DNAH10: variants seen among roughly 807,000 people sequenced by gnomAD.
DNAH10 encodes dynein axonemal heavy chain 10.
Under a neutral mutation model 506.6 loss-of-function variants are expected in DNAH10, and 348 were observed. The observed-to-expected ratio is 0.69, with a 90% CI of 0.63 to 0.75. The LOEUF is 0.75. Among genes scored for constraint, DNAH10 ranks in the 30% least tolerant of loss-of-function variants. The probability of loss-of-function intolerance (pLI) is 0.00; values close to 1 mark genes in which losing one functional copy is unlikely to be tolerated. For synonymous variants in DNAH10, 2,059 were observed against 2,198.6 expected (o/e 0.94, Z 1.78); for missense variants, 5,179 against 5,787.1 (o/e 0.89, Z 3.41).
At chr12:123,788,427 C>A (rs2136208774) in intron 10 of DNAH10, among the ~76,000 whole-genome samples, 1 of 152,296 alleles carries the variant, frequency 6.6e-6, no homozygotes, top group East Asian at 1.9e-4. Context: ...ATTGAATTAG[C>A]CACAGCACTT....
chr12:123,818,455 CTGGAACTA>C (rs1053005355), intron 21 of DNAH10, among the ~76,000 whole-genome samples: 21 of 152,050 alleles, frequency 1.4e-4, no homozygotes, highest in Non-Finnish European at 2.6e-4. Context: ...TCCTGAGTAG[CTGGAACTA>C]CAGGCTCCTG....
At chr12:123,847,264 A>G (rs1238360650) in intron 32 of DNAH10, among the ~76,000 whole-genome samples, 2 of 128,010 alleles carry the variant, frequency 1.6e-5, no homozygotes, top group South Asian at 4.5e-4. Context: ...CTATCTATCT[A>G]TCCATCCATC....
Position 123,859,164 on chromosome 12 carries a change from T to G in DNAH10, c.6645T>G (p.Val2215=). 1 of 1,610,198 alleles carries G rather than the reference T, an allele frequency of 6.2e-7. No individual in the cohort carries two copies. The highest frequency in any genetic ancestry group is 8.5e-7 in the Non-Finnish European group (1 of 1,178,638). ...AVLPIQVDKV[V]QMFETMLTRH... is the part of the protein sequence containing the mutation. ...TTGTCCCGCAGGTGGATAAAGTGGT[T>G]CAAATGTTCGAGACCATGTTAACCC... is the stretch of plus-strand genomic sequence containing the variant. Residue 2215 remains valine, a synonymous_variant, in exon 38 of 79, where the codon GTT becomes GTG. Coordinates refer to ENST00000673944, the MANE Select transcript of DNAH10 (RefSeq NM_001372106.1).
rs181335981 is a variant in DNAH10, at chr12:123,809,324, A to G, written c.3144+371A>G. On this transcript the variant is annotated intron_variant, in intron 19 of 78. Coordinates refer to ENST00000673944, the MANE Select transcript of DNAH10 (RefSeq NM_001372106.1). The stretch of plus-strand genomic sequence containing the variant: ...GTGACGTTCCATCAATCCATTCTCC[A>G]CCACCGGTGGTCAGAATTACCTTAA... Among the ~76,000 whole-genome samples the G allele has an allele frequency of 8.6e-3, 1,302 of 151,952 alleles. 27 individuals are homozygous for G. The highest frequency in any genetic ancestry group is 0.03 in the African/African-American group (1,229 of 41,428).
intron 19 of DNAH10, among the ~76,000 whole-genome samples, chr12:123,811,621 C>T (rs1304682231): frequency 6.6e-6 from 1 of 152,160 alleles, no homozygotes; most frequent in Non-Finnish European, 1.5e-5. Context: ...CTGCCTCAGC[C>T]TCCCGAGTAG....
chr12:123,923,715 T>A (rs754436895), intron 65 of DNAH10, 48 bp from the exon 66 acceptor site: 24 of 1,428,352 alleles, frequency 1.7e-5, no homozygotes, highest in Non-Finnish European at 2.0e-5. Context: ...CTCAGTTTTT[T>A]AAAAATGAAT....
chr12:123,771,538 C>T lies in DNAH10; in HGVS notation c.299-63C>T, dbSNP rs917574891. 68 of 1,390,596 alleles carry T rather than the reference C, an allele frequency of 4.9e-5. No homozygotes were observed. The South Asian group carries it at 6.0e-4, about 12-fold the overall frequency. The allele number at this position is 1,390,596 out of a possible 1,614,324, so 86.1% of individuals were successfully genotyped here. ...TACTGGTGCACAAAATGCAGGGCTGCTCTTGATGGTAGGAAACCTAATTTT... is the reference window on the plus strand; with the variant it reads ...TACTGGTGCACAAAATGCAGGGCTGTTCTTGATGGTAGGAAACCTAATTTT... On this transcript the variant is annotated intron_variant, in intron 2 of 78. Coordinates refer to ENST00000673944, the MANE Select transcript of DNAH10 (RefSeq NM_001372106.1).
chr12:123,767,626 G>A lies in DNAH10; in HGVS notation c.235G>A (p.Glu79Lys), dbSNP rs752832216. 6.2e-7 allele frequency: 1 copy of A among 1,612,700 alleles called. No homozygotes were observed. Among genetic ancestry groups the A allele is most frequent in the African/African-American group, 1.3e-5 (1 of 75,040 alleles). ...VEIDEIPVLS[E>K]EGEEEEETYS... The stretch of plus-strand genomic sequence containing the variant: ...TAAAGATGAGATACCTGTCCTGTCT[G>A]AAGAGGGAGAAGAGGAAGAAGAGAC... Residue 79 changes from glutamate (E) to lysine (K), a missense_variant, in exon 2 of 79, where the codon GAA becomes AAA. By Grantham distance (56) the Glu-to-Lys change is moderately conservative. Around this residue, in one of 3 missense-constraint regions of DNAH10, gnomAD observed 326 missense variants for 330.8 expected, o/e 0.99. Transcript: ENST00000673944.
chr12:123,793,345 T>C (rs1958153359), intron 11 of DNAH10, among the ~76,000 whole-genome samples: 1 of 150,580 alleles, frequency 6.6e-6, no homozygotes, highest in Non-Finnish European at 1.5e-5. Context: ...TACTGTCTTT[T>C]TTTTTTTTTT....
chr12:123,848,973 G>C, intron 34 of DNAH10, 91 bp downstream of exon 34: 1 of 1,463,708 alleles, frequency 6.8e-7, no homozygotes, highest in Non-Finnish European at 9.3e-7. Flanking sequence ...TTTCTGGGCC[G>C]TTGACACTCC....
chr12:123,843,591 T>G (rs1950846202), intron 30 of DNAH10, among the ~76,000 whole-genome samples: 1 of 151,842 alleles, frequency 6.6e-6, no homozygotes, highest in East Asian at 1.9e-4. Flanking sequence ...ATTTATTTAT[T>G]TATTGAGACA....
chr12:123,807,076 T>C (rs188656066), intron 18 of DNAH10, among the ~76,000 whole-genome samples: 1 of 152,254 alleles, frequency 6.6e-6, no homozygotes, highest in East Asian at 1.9e-4. Flanking sequence ...CCCTGCTATG[T>C]TTTCTTTTGA....
At chr12:123,822,845 T>G (rs115483454) in intron 24 of DNAH10, among the ~76,000 whole-genome samples, 2,110 of 152,282 alleles carry the variant, frequency 0.014, 43 homozygotes, top group African/African-American at 0.047. Context: ...TTCCTCAGCC[T>G]TTTGTTCGAT....
At chr12:123,908,793 A>T (rs1485893814) in intron 57 of DNAH10, among the ~76,000 whole-genome samples, 1 of 152,150 alleles carries the variant, frequency 6.6e-6, no homozygotes, top group Non-Finnish European at 1.5e-5. Context: ...CAGCACAGCC[A>T]GTCATGCAAG....
chr12:123,879,492 G>T, intron 49 of DNAH10, 135 bp downstream of exon 49: 1 of 1,434,846 alleles, frequency 7.0e-7, no homozygotes. Context: ...GAGGGTGGGT[G>T]GGTTATTAAG....
In DNAH10 at chr12:123,916,867, C is replaced by A; in HGVS notation, c.11002+131C>A. 1 of 1,144,506 alleles carries A rather than the reference C, an allele frequency of 8.7e-7. No individual in the cohort carries two copies. The highest frequency in any genetic ancestry group is 1.2e-6 in the Non-Finnish European group (1 of 832,696). The allele number at this position is 1,144,506 out of a possible 1,614,324, so 70.9% of individuals were successfully genotyped here. On this transcript the variant is annotated intron_variant, in intron 63 of 78. Coordinates refer to ENST00000673944, the MANE Select transcript of DNAH10 (RefSeq NM_001372106.1). The surrounding 1 kb of genome is among the most constrained non-coding windows in gnomAD (Gnocchi z 4.6). ...TCATTCTCTCATAGGCACATCTGGA[C>A]TAGTCAGCTCTTACCAATTAGGTAC... is the stretch of plus-strand genomic sequence containing the variant.
rs754980240 is a variant in DNAH10 at position 123,826,743 on chromosome 12, C to T, written c.4236C>T (p.Leu1412=). Residue 1412 remains leucine (L), a synonymous_variant, in exon 25 of 79, where the codon CTC becomes CTT. Transcript: ENST00000673944. ...GGATCAACCTGAATGTGCAGATTCT[C>T]CAGGAAGGAATTGAAGGTTTTCTCA... is the stretch of plus-strand genomic sequence containing the variant. ...TLWINLNVQI[L]QEGIEGFLRA... 6 of 1,613,842 alleles carry T rather than the reference C, an allele frequency of 3.7e-6. No homozygotes were observed. Among genetic ancestry groups the T allele is most frequent in the Non-Finnish European group, 5.1e-6 (6 of 1,179,798 alleles).
intron 24 of DNAH10, among the ~76,000 whole-genome samples, chr12:123,826,134 A>AAT (rs1555225304): frequency 0.013 from 2,030 of 150,576 alleles, 35 homozygotes; most frequent in African/African-American, 0.046. Flanking sequence ...AAAAAAATAA[A>AAT]AATAATAATT....
In DNAH10 at chr12:123,887,163, C is replaced by G. The variant is rs757933924; in HGVS notation, c.8845C>G (p.Arg2949Gly). The G allele has an allele frequency of 1.9e-6, 3 of 1,609,918 alleles. No homozygotes were observed. The highest frequency in any genetic ancestry group is 2.5e-6 in the Non-Finnish European group (3 of 1,178,140). Residue 2949 changes from arginine (R) to glycine (G), a missense_variant, in exon 52 of 79, where the codon CGA (arginine) becomes GGA (glycine). Transcript: ENST00000673944. ...SCEVFEILLS[R>G]GYSENSFRED... is the part of the protein sequence containing the mutation. ...GCAGGTGTTTGAGATCCTGCTGAGCCGAGGCTACTCGGAGAACAGTTTCCG... is the reference window on the plus strand; with the variant it reads ...GCAGGTGTTTGAGATCCTGCTGAGCGGAGGCTACTCGGAGAACAGTTTCCG...
Sources: gnomAD v4.1 joint callset for allele counts (sites outside exome capture counted in the v4.1 genomes callset) on GRCh38, gnomAD v4.1.1 for gene constraint, gnomAD v4.1.1 regional missense constraint, Gnocchi (gnomAD v3.1) non-coding constraint, MANE v1.5 for transcripts, NCBI Gene and HGNC (gene_info 2026-07-23, HGNC 2026-07-21) for gene names.